SV2B: variants seen among roughly 807,000 people sequenced by gnomAD.
SV2B encodes synaptic vesicle glycoprotein 2B, also known as solute carrier family 22 member B2.
Under a neutral mutation model 73.9 loss-of-function variants are expected in SV2B, and 41 were observed. The observed-to-expected ratio is 0.56, with a 90% CI of 0.43 to 0.72. SV2B has a LOEUF of 0.72. Among genes scored for constraint, SV2B ranks in the 30% least tolerant of loss-of-function variants. The pLI is 0.00. For missense variants in SV2B, 764 were observed against 857.8 expected, an observed-to-expected ratio of 0.89 and a Z score of 1.37; for synonymous variants, 314 against 314.2, an observed-to-expected ratio of 1.00 and a Z score of 0.01.
chr15:91,214,630 A>G lies in SV2B; in HGVS notation c.-391-11243A>G, dbSNP rs942291860. On this transcript the variant is annotated intron_variant, in intron 1 of 12. Transcript: ENST00000394232. This position sits in a 1 kb window ranked among gnomAD's most constrained non-coding sequence, Gnocchi z 4.7. ...GCAGTGGGCAAGAATTCGCTTTACA[A>G]CAGCCACTGTATGGCAAGAAATATC... Among the ~76,000 whole-genome samples the G allele has an allele frequency of 3.3e-5, 5 of 152,240 alleles. No homozygotes were observed. The highest frequency in any genetic ancestry group is 5.9e-5 in the Non-Finnish European group (4 of 68,044).
intron 1 of SV2B, among the ~76,000 whole-genome samples, chr15:91,187,749 C>T (rs147628667): frequency 6.6e-6 from 1 of 151,582 alleles, no homozygotes; most frequent in Non-Finnish European, 1.5e-5. Context: ...TGAGTTAAAT[C>T]ATAATTAACT....
At chr15:91,108,007 TGTG>T in intron 1 of SV2B, among the ~76,000 whole-genome samples, 1 of 152,198 alleles carries the variant, frequency 6.6e-6, no homozygotes, top group Non-Finnish European at 1.5e-5. Flanking sequence ...GGTGGTGTGG[TGTG>T]GTGGTGGTGA....
Position 91,290,371 on chromosome 15 carries a change from A to G in SV2B, c.1868+691A>G, listed in dbSNP as rs1248536397. On this transcript the variant is annotated intron_variant, in intron 12 of 12. Coordinates refer to ENST00000394232, the MANE Select transcript of SV2B (RefSeq NM_001323032.3). This position sits in a 1 kb window ranked among gnomAD's most constrained non-coding sequence, Gnocchi z 4.7. Reference sequence around the variant, plus strand: ...AGAGGTATTGGGATATAGATAACTAAGGAAGAGCACAACGTGTCATATTTG... The same window carrying G: ...AGAGGTATTGGGATATAGATAACTAGGGAAGAGCACAACGTGTCATATTTG... Among the ~76,000 whole-genome samples the G allele has an allele frequency of 6.6e-6, 1 of 152,246 alleles. No homozygotes were observed. Among genetic ancestry groups the G allele is most frequent in the Non-Finnish European group, 1.5e-5 (1 of 68,038 alleles).
At chr15:91,148,867 T>G (rs2043224277) in intron 1 of SV2B, among the ~76,000 whole-genome samples, 1 of 152,180 alleles carries the variant, frequency 6.6e-6, no homozygotes, top group African/African-American at 2.4e-5. Context: ...AGGCCTTCAA[T>G]GAACTGGATA....
In SV2B at chr15:91,225,972, A is replaced by G. The variant is rs1596623050; in HGVS notation, c.-292A>G. ...AAACAGCTGGATCCATTTCTAATCA[A>G]CACTTCCCAACGCAACACTTCTGAG... On this transcript the variant is annotated 5_prime_UTR_variant, in exon 2 of 13. Coordinates refer to ENST00000394232, the MANE Select transcript of SV2B (RefSeq NM_001323032.3). The G allele has an allele frequency of 4.8e-6, 2 of 416,880 alleles. No individual in the cohort carries two copies. The allele number at this position is 416,880 out of a possible 1,614,324, so 25.8% of individuals were successfully genotyped here.
At chr15:91,191,765 A>G (rs985077453) in intron 1 of SV2B, among the ~76,000 whole-genome samples, 2 of 152,144 alleles carry the variant, frequency 1.3e-5, no homozygotes, top group Non-Finnish European at 2.9e-5. Context: ...TTTGCTGGAT[A>G]TTTTTCAAAA....
rs577937024 is a variant in SV2B at position 91,253,717 on chromosome 15, T to C, written c.784+1197T>C. 3.9e-5 allele frequency among the ~76,000 whole-genome samples: 6 copies of C among 152,346 alleles called. No homozygotes were observed. Among genetic ancestry groups the C allele is most frequent in the African/African-American group, 1.4e-4 (6 of 41,574 alleles). On this transcript the variant is annotated intron_variant, in intron 4 of 12. Coordinates refer to ENST00000394232, the MANE Select transcript of SV2B (RefSeq NM_001323032.3). This position sits in a 1 kb window ranked among gnomAD's most constrained non-coding sequence, Gnocchi z 5.0. ...CGGTTTGGGGAAAGAGAATGGGCAG[T>C]TGTAGATTGGCTGAAGGCCAGGAAG...
At chr15:91,209,790 A>G (rs771162620) in intron 1 of SV2B, among the ~76,000 whole-genome samples, 38 of 152,226 alleles carry the variant, frequency 2.5e-4, no homozygotes, top group Non-Finnish European at 5.0e-4. Context: ...ATCGTGAGTG[A>G]GAAGCTCCTG....
intron 1 of SV2B, among the ~76,000 whole-genome samples, chr15:91,196,013 T>G (rs781546790): frequency 2.0e-5 from 3 of 152,138 alleles, no homozygotes; most frequent in Non-Finnish European, 4.4e-5. Context: ...GCAGGAAAAA[T>G]GTCCATACAA....
intron 1 of SV2B, among the ~76,000 whole-genome samples, chr15:91,172,907 G>GT (rs2044173857): frequency 6.6e-6 from 1 of 151,814 alleles, no homozygotes; most frequent in African/African-American, 2.4e-5. Flanking sequence ...ACCGAGATGA[G>GT]TAAGAGCCTG....
chr15:91,145,449 T>C (rs968884826), intron 1 of SV2B, among the ~76,000 whole-genome samples: 1 of 152,218 alleles, frequency 6.6e-6, no homozygotes, highest in Non-Finnish European at 1.5e-5. Context: ...GCAATGAACA[T>C]ACATGTGCAT....
intron 6 of SV2B, 57 bp from the exon 7 acceptor site, chr15:91,266,525 G>A: frequency 7.4e-7 from 1 of 1,356,706 alleles, no homozygotes; most frequent in Non-Finnish European, 1.0e-6. Context: ...ACTACACATT[G>A]AAAACTCTGA....
rs983061943 is a variant in SV2B at position 91,128,237 on chromosome 15, C to G, written c.-392+27874C>G. Among the ~76,000 whole-genome samples, 3 of 152,176 alleles carry G rather than the reference C, an allele frequency of 2.0e-5. No individual in the cohort carries two copies. The highest frequency in any genetic ancestry group is 7.2e-5 in the African/African-American group (3 of 41,444). ...TTTTCACCCTCTTCCACCAGTGAGT[C>G]ATCCGCAGAGGCTGTTCTCCAAGAA... On this transcript the variant is annotated intron_variant, in intron 1 of 12. Coordinates refer to ENST00000394232, the MANE Select transcript of SV2B (RefSeq NM_001323032.3). The surrounding 1 kb of genome is among the most constrained non-coding windows in gnomAD (Gnocchi z 4.2).
At chr15:91,144,635 G>C (rs2043092815) in intron 1 of SV2B, among the ~76,000 whole-genome samples, 1 of 152,172 alleles carries the variant, frequency 6.6e-6, no homozygotes, top group East Asian at 1.9e-4. Flanking sequence ...TGAGTTTGTG[G>C]CCAGCTCAGA....
Position 91,268,385 on chromosome 15 carries a change from G to T in SV2B, c.1209-56G>T. Reference sequence around the variant, plus strand: ...GCATCAAGTCAAGAGTGTAGACCCTGATCATGAAAGAATGAATCCTGTTGT... The same window carrying T: ...GCATCAAGTCAAGAGTGTAGACCCTTATCATGAAAGAATGAATCCTGTTGT... On this transcript the variant is annotated intron_variant, in intron 8 of 12. Transcript: ENST00000394232. The surrounding 1 kb of genome is among the most constrained non-coding windows in gnomAD (Gnocchi z 4.4). The T allele has an allele frequency of 6.4e-7, 1 of 1,556,700 alleles. No homozygotes were observed. The highest frequency in any genetic ancestry group is 1.2e-5 in the South Asian group (1 of 83,996).
chr15:91,221,436 G>T (rs2046207826), intron 1 of SV2B, among the ~76,000 whole-genome samples: 1 of 152,108 alleles, frequency 6.6e-6, no homozygotes, highest in South Asian at 2.1e-4. Flanking sequence ...TACCAAAATG[G>T]TGGATCAGCC....
At position 91,223,634 on chromosome 15, in the gene SV2B, G is replaced by A. The variant is rs569635215; in HGVS notation, c.-391-2239G>A. Among the ~76,000 whole-genome samples, 24 of 152,212 alleles carry A rather than the reference G, an allele frequency of 1.6e-4. No homozygotes were observed. Among genetic ancestry groups the A allele is most frequent in the Non-Finnish European group, 2.6e-4 (18 of 68,014 alleles). On this transcript the variant is annotated intron_variant, in intron 1 of 12. Transcript: ENST00000394232. The surrounding 1 kb of genome is among the most constrained non-coding windows in gnomAD (Gnocchi z 4.6). ...GGCGTTCTTTCCATGTTTTTATAGC[G>A]CTCTGCAAACTCTCCTGCTGTTTAC...
chr15:91,280,502 A>G lies in SV2B; in HGVS notation c.1374-1226A>G, dbSNP rs981254366. Among the ~76,000 whole-genome samples the G allele has an allele frequency of 1.7e-4, 26 of 152,376 alleles. No individual in the cohort carries two copies. Among genetic ancestry groups the G allele is most frequent in the African/African-American group, 6.3e-4 (26 of 41,588 alleles). ...AATATGTAAGTGAATGAATAGAAGA[A>G]TGAAAGAAAGTGTTGTAATTATTTG... On this transcript the variant is annotated intron_variant, in intron 9 of 12. Transcript: ENST00000394232. The surrounding 1 kb of genome is among the most constrained non-coding windows in gnomAD (Gnocchi z 5.8).
chr15:91,263,573 G>A (rs890036527), intron 6 of SV2B, among the ~76,000 whole-genome samples: 1 of 146,008 alleles, frequency 6.8e-6, no homozygotes, highest in Non-Finnish European at 1.5e-5. Context: ...GACACACACA[G>A]ACACAGACAC....
Sources: allele counts gnomAD v4.1 joint callset (sites outside exome capture counted in the v4.1 genomes callset), GRCh38; gene constraint gnomAD v4.1.1; non-coding constraint Gnocchi (gnomAD v3.1); transcripts MANE v1.5; gene names NCBI Gene and HGNC (gene_info 2026-07-23, HGNC 2026-07-21).